The following TIE1 variants were observed in gnomAD, a reference collection of about 807,000 sequenced individuals.
The protein encoded by TIE1 is tyrosine kinase with immunoglobulin like and EGF like domains 1.
A neutral mutation model predicts 130.5 loss-of-function variants in TIE1; 89 were observed. That is an observed-to-expected ratio of 0.68 (90% confidence interval 0.57 to 0.81). The LOEUF (loss-of-function observed/expected upper bound fraction) is 0.81. TIE1 is among the 40% of genes least tolerant of loss of function. The pLI is 0.00. For missense variants in TIE1, 1,392 were observed against 1,559.8 expected, an observed-to-expected ratio of 0.89 and a Z score of 1.81; for synonymous variants, 568 against 629.4, an observed-to-expected ratio of 0.90 and a Z score of 1.46.
intron 19 of TIE1, 57 bp from the exon 20 acceptor site, chr1:43,321,212 C>A (rs372950348): frequency 6.3e-7 from 1 of 1,597,922 alleles, no homozygotes; most frequent in Non-Finnish European, 8.6e-7. Flanking sequence ...CAGGTAGAAG[C>A]TAAACTGCTA....
intron 20 of TIE1, 25 bp downstream of exon 20, chr1:43,321,334 AGAGTGCCCCACCTTACCCCACGTG>A: frequency 6.2e-7 from 1 of 1,614,060 alleles, no homozygotes; most frequent in Non-Finnish European, 8.5e-7. Flanking sequence ...CCCGTCCCCC[AGAGTGCCCCACCTTACCCCACGTG>A]GAGCCCTGGA....
In TIE1 at chr1:43,313,525, C is replaced by A; in HGVS notation, c.2218+100C>A. The stretch of plus-strand genomic sequence containing the variant: ...CCCCTACTGTGGAGCTAGGGCATCC[C>A]AGGCCCCTCCTGACAAAGAGTCAGC... On this transcript the variant is annotated intron_variant, in intron 13 of 22. Transcript: ENST00000372476. This position sits in a 1 kb window ranked among gnomAD's most constrained non-coding sequence, Gnocchi z 6.2. 1 of 1,423,502 alleles carries A rather than the reference C, an allele frequency of 7.0e-7. No homozygotes were observed. The highest frequency in any genetic ancestry group is 2.3e-5 in the East Asian group (1 of 43,064). 88.2% of individuals were successfully genotyped at this position (1,423,502 alleles called of 1,614,324 possible).
Position 43,306,964 on chromosome 1 carries a change from G to T in TIE1, c.609G>T (p.Leu203=). 1 of 1,613,962 alleles carries T rather than the reference G, an allele frequency of 6.2e-7. No individual in the cohort carries two copies. The change falls in exon 4 of 23, where the codon CTG becomes CTT. Residue 203 remains leucine (L), a synonymous_variant. Coordinates refer to ENST00000372476, the MANE Select transcript of TIE1 (RefSeq NM_005424.5). The surrounding 1 kb of genome is among the most constrained non-coding windows in gnomAD (Gnocchi z 4.9). Reference sequence around the variant, plus strand: ...CCACTTACCTGGAAGCCAGCCCCCTGGGCAGCGCCTTCTTTCGGCTCATCG... The same window carrying T: ...CCACTTACCTGGAAGCCAGCCCCCTTGGCAGCGCCTTCTTTCGGCTCATCG... ...YSATYLEASP[L]GSAFFRLIVR...
chr1:43,321,671 G>A lies in TIE1; in HGVS notation c.3301G>A (p.Ala1101Thr), dbSNP rs779503980. The A allele has an allele frequency of 6.4e-7, 1 of 1,553,608 alleles. No homozygotes were observed. The highest frequency in any genetic ancestry group is 8.7e-7 in the Non-Finnish European group (1 of 1,148,040). The change falls in exon 22 of 23, where the codon GCC becomes ACC. Residue 1101 changes from alanine to threonine, a missense_variant. Ala to Thr is a moderately conservative substitution (Grantham distance 58). This residue lies in a region of TIE1 where 104 missense variants were observed against 129.3 expected (regional missense o/e 0.80). Coordinates refer to ENST00000372476, the MANE Select transcript of TIE1 (RefSeq NM_005424.5). ...CCGTCCCTATGAGCGACCCCCCTTT[G>A]CCCAGATTGCGCTACAGCTAGGCCG... ...RDRPYERPPF[A>T]QIALQLGRML...
intron 19 of TIE1, chr1:43,320,930 G>A: frequency 3.4e-6 from 1 of 290,420 alleles, no homozygotes; most frequent in East Asian, 6.8e-5. Flanking sequence ...GCACACACCA[G>A]CTACAAGGGA....
chr1:43,307,530 T>C lies in TIE1; in HGVS notation c.871T>C (p.Cys291Arg). 5 of 1,614,174 alleles carry C rather than the reference T, an allele frequency of 3.1e-6. No homozygotes were observed. The highest frequency in any genetic ancestry group is 4.2e-6 in the Non-Finnish European group (5 of 1,180,020). Reference sequence around the variant, plus strand: ...CTTCTGCCTCCCAGACCCCTATGGCTGCTCTTGTGGATCTGGCTGGAGAGG... The same window carrying C: ...CTTCTGCCTCCCAGACCCCTATGGCCGCTCTTGTGGATCTGGCTGGAGAGG... ...LTFCLPDPYG[C>R]SCGSGWRGSQ... Residue 291 changes from cysteine to arginine, a missense_variant, in exon 6 of 23, where the codon TGC (cysteine) becomes CGC (arginine). By Grantham distance (180) the Cys-to-Arg change is radical. Transcript: ENST00000372476. This position sits in a 1 kb window ranked among gnomAD's most constrained non-coding sequence, Gnocchi z 5.4.
intron 9 of TIE1, 132 bp from the exon 10 acceptor site, chr1:43,311,538 TG>T: frequency 8.1e-7 from 1 of 1,235,730 alleles, no homozygotes; most frequent in Non-Finnish European, 1.1e-6. Context: ...CTGTCCTCCC[TG>T]GGCCCTGGCC....
Position 43,315,280 on chromosome 1 carries a change from T to TA in TIE1, c.2409+1319dup, listed in dbSNP as rs1354345044. The TA allele has an allele frequency of 6.6e-6, 1 of 152,094 alleles. No homozygotes were observed. Among genetic ancestry groups the TA allele is most frequent in the Non-Finnish European group, 1.5e-5 (1 of 68,014 alleles). The allele number at this position is 152,094 out of a possible 1,614,324, so 9.4% of individuals were successfully genotyped here. ...AAGCTTTGGCATTTCAAATAAAAAA[T>TA]AAAAAAAGAAAGAAAACCCTCTTCT... On this transcript the variant is annotated intron_variant, in intron 14 of 22. Transcript: ENST00000372476. The surrounding 1 kb of genome is among the most constrained non-coding windows in gnomAD (Gnocchi z 4.4).
rs921903578 is a variant in TIE1 at position 43,322,947 on chromosome 1, G to C, written c.*225G>C. Reference sequence around the variant, plus strand: ...CCTGGGCATCCTTCTTTCTAGTTCAGCTGCCCCACAGGTGTGTTTCCCATC... The same window carrying C: ...CCTGGGCATCCTTCTTTCTAGTTCACCTGCCCCACAGGTGTGTTTCCCATC... On this transcript the variant is annotated 3_prime_UTR_variant, in exon 23 of 23. Coordinates refer to ENST00000372476, the MANE Select transcript of TIE1 (RefSeq NM_005424.5). This position sits in a 1 kb window ranked among gnomAD's most constrained non-coding sequence, Gnocchi z 4.0. 1.9e-6 allele frequency: 1 copy of C among 535,168 alleles called. No homozygotes were observed. The highest frequency in any genetic ancestry group is 3.4e-6 in the Non-Finnish European group (1 of 298,488). The allele number at this position is 535,168 out of a possible 1,614,324, so 33.2% of individuals were successfully genotyped here.
At chr1:43,308,006 C>T in intron 7 of TIE1, 82 bp downstream of exon 7, 2 of 1,565,640 alleles carry the variant, frequency 1.3e-6, no homozygotes, top group Non-Finnish European at 1.7e-6. Context: ...AGAGAGTAGT[C>T]CCTCCTTTCC....
At chr1:43,304,721 G>A (rs1232911426) in intron 1 of TIE1, 130 bp from the exon 2 acceptor site, 1 of 972,266 alleles carries the variant, frequency 1.0e-6, no homozygotes. Context: ...GGGGAAGGAA[G>A]AGGGGTGAAG....
chr1:43,321,423 G>C lies in TIE1; in HGVS notation c.3176G>C (p.Cys1059Ser), dbSNP rs1383929104. The C allele has an allele frequency of 1.2e-6, 2 of 1,614,078 alleles. No homozygotes were observed. Among genetic ancestry groups the C allele is most frequent in the Non-Finnish European group, 8.5e-7 (1 of 1,180,000 alleles). ...GGTACACCCTACTGTGGCATGACCT[G>C]TGCCGAGCTCTATGAAAAGCTGCCC... ...LGGTPYCGMTCAELYEKLPQG... is the reference protein window; with the variant it reads ...LGGTPYCGMTSAELYEKLPQG... Residue 1059 changes from cysteine (C) to serine (S), a missense_variant, in exon 21 of 23, where the codon TGT becomes TCT. This residue lies in a region of TIE1 where 104 missense variants were observed against 129.3 expected (regional missense o/e 0.80). Transcript: ENST00000372476.
chr1:43,315,517 A>G lies in TIE1; in HGVS notation c.2409+1549A>G, dbSNP rs1646850370. On this transcript the variant is annotated intron_variant, in intron 14 of 22. Coordinates refer to ENST00000372476, the MANE Select transcript of TIE1 (RefSeq NM_005424.5). This position sits in a 1 kb window ranked among gnomAD's most constrained non-coding sequence, Gnocchi z 4.4. ...AAAGCTACAAAAATTAGCCAGGCAC[A>G]GTGGCAGGAGCCTGTAATCCCAGCT... 6.6e-6 allele frequency among the ~76,000 whole-genome samples: 1 copy of G among 152,038 alleles called. No individual in the cohort carries two copies. The highest frequency in any genetic ancestry group is 1.5e-5 in the Non-Finnish European group (1 of 68,014).
chr1:43,301,107 C>A lies in TIE1; in HGVS notation c.36C>A (p.Ile12=), dbSNP rs752079309. ...VWRVPPFLLP[I]LFLASHVGAA... is the part of the protein sequence containing the mutation. ...GGGTGCCCCCTTTCTTGCTCCCCAT[C>A]CTCTTCTTGGCTTCTCATGTGGGTA... is the stretch of plus-strand genomic sequence containing the variant. The change falls in exon 1 of 23, where the codon ATC becomes ATA. Residue 12 remains isoleucine (I), a synonymous_variant. Transcript: ENST00000372476. 1 of 1,613,944 alleles carries A rather than the reference C, an allele frequency of 6.2e-7. No homozygotes were observed. The highest frequency in any genetic ancestry group is 8.5e-7 in the Non-Finnish European group (1 of 1,179,932).
At position 43,317,498 on chromosome 1, in the gene TIE1, CCCAGCCCTTG is replaced by C; in HGVS notation, c.2621-56_2621-47del. ...CACCTGGCTTCCTCCAGCAATTGAC[CCCAGCCCTTG>C]CCAGCCCTTTCTCCAGAGTTATTTC... is the stretch of plus-strand genomic sequence containing the variant. On this transcript the variant is annotated intron_variant, in intron 15 of 22. Transcript: ENST00000372476. This position sits in a 1 kb window ranked among gnomAD's most constrained non-coding sequence, Gnocchi z 5.1. The C allele has an allele frequency of 6.2e-7, 1 of 1,607,306 alleles. No individual in the cohort carries two copies. The highest frequency in any genetic ancestry group is 8.5e-7 in the Non-Finnish European group (1 of 1,173,796).
chr1:43,317,908 GC>G lies in TIE1; in HGVS notation c.2763del (p.Tyr922ThrfsTer5). 6.2e-7 allele frequency: 1 copy of G among 1,614,108 alleles called. No individual in the cohort carries two copies. Among genetic ancestry groups the G allele is most frequent in the South Asian group, 1.1e-5 (1 of 91,080 alleles). ...TTACTTGTATATCGCTATTGAATATGCCCCCTACGGGAACCTGCTAGATTTT... is the reference window on the plus strand; with the variant it reads ...TTACTTGTATATCGCTATTGAATATGCCCCTACGGGAACCTGCTAGATTTT... ...RGYLYIAIEY[A>X]PYGNLLDFLR... On this transcript the variant is annotated frameshift_variant, in exon 17 of 23. Transcript: ENST00000372476. LOFTEE classifies it high-confidence loss of function. The surrounding 1 kb of genome is among the most constrained non-coding windows in gnomAD (Gnocchi z 5.1).
rs1646809435 is a variant in TIE1 at position 43,312,532 on chromosome 1, G to A, written c.1858G>A (p.Val620Met). 1 of 1,613,508 alleles carries A rather than the reference G, an allele frequency of 6.2e-7. No individual in the cohort carries two copies. Among genetic ancestry groups the A allele is most frequent in the East Asian group, 2.2e-5 (1 of 44,876 alleles). The change falls in exon 12 of 23, where the codon GTG (valine) becomes ATG (methionine). Residue 620 changes from valine to methionine, a missense_variant. Physicochemically the swap from Val to Met is conservative, Grantham distance 21. Around this residue, in one of 6 missense-constraint regions of TIE1, gnomAD observed 551 missense variants for 565.5 expected, o/e 0.97. Coordinates refer to ENST00000372476, the MANE Select transcript of TIE1 (RefSeq NM_005424.5). The surrounding 1 kb of genome is among the most constrained non-coding windows in gnomAD (Gnocchi z 5.6). The stretch of plus-strand genomic sequence containing the variant: ...GCCTGGCACCCACTACCAGCTGGAT[G>A]TGCAGCTCTACCACTGCACCCTCCT... ...LTPGTHYQLD[V>M]QLYHCTLLGP...
chr1:43,309,531 A>T lies in TIE1; in HGVS notation c.1332A>T (p.Lys444Asn). Residue 444 changes from lysine (K) to asparagine (N), a missense_variant and splice_region_variant, in exon 9 of 23, where the codon AAA becomes AAT. Physicochemically the swap from Lys to Asn is moderately conservative, Grantham distance 94. Transcript: ENST00000372476. The surrounding 1 kb of genome is among the most constrained non-coding windows in gnomAD (Gnocchi z 6.3). ...QDSRRFKVNV[K>N]VPPVPLAAPR... ...GCCGGCGCTTCAAGGTCAATGTGAA[A>T]GGTCAGTGATGTCCTAGGTCCACAG... 6.3e-7 allele frequency: 1 copy of T among 1,581,516 alleles called. No homozygotes were observed. The highest frequency in any genetic ancestry group is 2.2e-5 in the East Asian group (1 of 44,792).
chr1:43,313,454 C>CG lies in TIE1; in HGVS notation c.2218+32dup. On this transcript the variant is annotated intron_variant, in intron 13 of 22. Coordinates refer to ENST00000372476, the MANE Select transcript of TIE1 (RefSeq NM_005424.5). The surrounding 1 kb of genome is among the most constrained non-coding windows in gnomAD (Gnocchi z 6.2). ...AGAGGGCAGGGCCCACAGGACCCCCCGGGCTCTGAGCGGGGAGAGCTCAGC... is the reference window on the plus strand; with the variant it reads ...AGAGGGCAGGGCCCACAGGACCCCCCGGGGCTCTGAGCGGGGAGAGCTCAGC... The CG allele has an allele frequency of 1.9e-6, 3 of 1,611,886 alleles. No homozygotes were observed. The highest frequency in any genetic ancestry group is 2.5e-6 in the Non-Finnish European group (3 of 1,178,962).
Sources: allele counts gnomAD v4.1 joint callset (sites outside exome capture counted in the v4.1 genomes callset), GRCh38; gene constraint gnomAD v4.1.1; regional missense constraint gnomAD v4.1.1; non-coding constraint Gnocchi (gnomAD v3.1); transcripts MANE v1.5; gene names NCBI Gene and HGNC (gene_info 2026-07-23, HGNC 2026-07-21).